FGF17: variants seen among roughly 807,000 people sequenced by gnomAD.
FGF17 encodes the protein fibroblast growth factor 17.
In FGF17, 5 loss-of-function variants were observed where a neutral mutation model predicts 23.5. The ratio of observed to expected loss-of-function variants is 0.21; its 90% CI spans 0.11 to 0.45. FGF17 has a LOEUF of 0.45. Among genes scored for constraint, FGF17 ranks in the 20% least tolerant of loss-of-function variants. FGF17 has a pLI of 0.99. For missense variants in FGF17, 221 were observed against 306.9 expected, an observed-to-expected ratio of 0.72 and a Z score of 2.09; for synonymous variants, 136 against 123.0, an observed-to-expected ratio of 1.11 and a Z score of -0.70.
At position 22,042,964 on chromosome 8, in the gene FGF17, G is replaced by A. The variant is rs1200203323; in HGVS notation, c.35+1G>A. The A allele has an allele frequency of 6.2e-7, 1 of 1,613,040 alleles. No individual in the cohort carries two copies. Among genetic ancestry groups the A allele is most frequent in the East Asian group, 2.2e-5 (1 of 44,842 alleles). On this transcript the variant is annotated splice_donor_variant, in intron 1 of 4. Coordinates refer to ENST00000359441, the MANE Select transcript of FGF17 (RefSeq NM_003867.4). LOFTEE classifies it high-confidence loss of function. The stretch of plus-strand genomic sequence containing the variant: ...CCCGCCTGCTGCCCAACCTCACTCT[G>A]TAAGTGTGCTACCTCTCCCACTGGA...
chr8:22,043,980 A>T (rs1348817882), intron 2 of FGF17, among the ~76,000 whole-genome samples: 1 of 151,456 alleles, frequency 6.6e-6, no homozygotes, highest in African/African-American at 2.4e-5. Flanking sequence ...GGAGAGGGAA[A>T]GGGGCAGCCT....
chr8:22,043,477 C>T (rs1448953516), intron 2 of FGF17, among the ~76,000 whole-genome samples: 3 of 152,172 alleles, frequency 2.0e-5, no homozygotes, highest in Non-Finnish European at 4.4e-5. Flanking sequence ...GAGCCTGGAG[C>T]GGTTGGAAGC....
chr8:22,047,295 C>G (rs1363554014), intron 4 of FGF17, among the ~76,000 whole-genome samples: 1 of 152,140 alleles, frequency 6.6e-6, no homozygotes, highest in Admixed American at 6.5e-5. Flanking sequence ...ACAGGAACTC[C>G]CCCAAGTTCA....
intron 2 of FGF17, 139 bp downstream of exon 2, chr8:22,043,320 A>T: frequency 5.1e-6 from 4 of 789,430 alleles, no homozygotes; most frequent in East Asian, 5.7e-5. Flanking sequence ...TGAGGTTTGG[A>T]GGGGAGTGAG....
rs577281579 is a variant in FGF17, at chr8:22,047,953, C to T, written c.358-3C>T. ...GCCCTTCCTGTCCTTGCTTCTCCCG[C>T]AGCCCAGCGGGAAGAGCAAAGACTG... is the stretch of plus-strand genomic sequence containing the variant. On this transcript the variant is annotated splice_polypyrimidine_tract_variant and splice_region_variant and intron_variant, in intron 4 of 4. Transcript: ENST00000359441. 4 of 1,596,548 alleles carry T rather than the reference C, an allele frequency of 2.5e-6. No homozygotes were observed. The highest frequency in any genetic ancestry group is 2.2e-5 in the South Asian group (2 of 90,600).
chr8:22,044,620 G>A (rs988808203), intron 2 of FGF17: 17 of 946,300 alleles, frequency 1.8e-5, no homozygotes, highest in Non-Finnish European at 2.1e-5. Flanking sequence ...CCCACCCCCT[G>A]GAAGGGAGGC....
In FGF17 at chr8:22,048,479, G is replaced by A; in HGVS notation, c.*230G>A. 1 of 570,030 alleles carries A rather than the reference G, an allele frequency of 1.8e-6. No homozygotes were observed. The highest frequency in any genetic ancestry group is 3.1e-6 in the Non-Finnish European group (1 of 320,888). 35.3% of individuals were successfully genotyped at this position (570,030 alleles called of 1,614,324 possible). A position where few individuals can be genotyped will look rare whatever the true frequency, so the allele number is the denominator to read the frequency against. On this transcript the variant is annotated 3_prime_UTR_variant, in exon 5 of 5. Transcript: ENST00000359441. This position sits in a 1 kb window ranked among gnomAD's most constrained non-coding sequence, Gnocchi z 6.9. ...GGCAGGCCCTGGAGAGGAACTGAGT[G>A]TCACCCTGATCTCAGGCCACCAGCC...
intron 3 of FGF17, 111 bp downstream of exon 3, chr8:22,046,402 A>T: frequency 6.8e-7 from 1 of 1,463,130 alleles, no homozygotes. Context: ...GAGGGCCCCA[A>T]GGGCCTGAGT....
chr8:22,044,969 G>A (rs564875288), intron 2 of FGF17: 3 of 985,826 alleles, frequency 3.0e-6, no homozygotes, highest in African/African-American at 3.5e-5. Context: ...GAGAAAAGCT[G>A]TCCCAGCACA....
At chr8:22,045,650 C>A in intron 2 of FGF17, 3 of 1,067,516 alleles carry the variant, frequency 2.8e-6, no homozygotes, top group South Asian at 3.1e-5. Flanking sequence ...TCTTTCAAGG[C>A]CAGTGGGGAG....
chr8:22,046,467 C>A, intron 3 of FGF17, 60 bp from the exon 4 acceptor site: 1 of 1,483,646 alleles, frequency 6.7e-7, no homozygotes, highest in Non-Finnish European at 9.3e-7. Flanking sequence ...TGGTCCCCTG[C>A]TGTAGCCATA....
intron 2 of FGF17, among the ~76,000 whole-genome samples, chr8:22,044,035 C>G (rs192015433): frequency 2.7e-4 from 41 of 151,934 alleles, no homozygotes; most frequent in East Asian, 1.9e-3. Context: ...ATTCCCCCCC[C>G]CTTCCTTCCC....
chr8:22,045,109 C>G (rs537731264), intron 2 of FGF17: 1 of 985,542 alleles, frequency 1.0e-6, no homozygotes. Flanking sequence ...AAGAAGTACT[C>G]AGTCTCTCCC....
At chr8:22,041,001 G>C (rs921421189), upstream of FGF17, among the ~76,000 whole-genome samples, 1 of 152,150 alleles carries the variant, frequency 6.6e-6, no homozygotes, top group South Asian at 2.1e-4. Context: ...CTGGTACCTT[G>C]TCCCAGCCAT....
chr8:22,044,979 A>C (rs532809381), intron 2 of FGF17: 2 of 985,720 alleles, frequency 2.0e-6, no homozygotes, highest in South Asian at 9.4e-5. Context: ...GTCCCAGCAC[A>C]GGCAGCGGCA....
In FGF17 at chr8:22,048,321, CT is replaced by C. The variant is rs1801007361; in HGVS notation, c.*73del. 1 of 1,315,390 alleles carries C rather than the reference CT, an allele frequency of 7.6e-7. No individual in the cohort carries two copies. Among genetic ancestry groups the C allele is most frequent in the Non-Finnish European group, 1.0e-6 (1 of 970,278 alleles). The allele number at this position is 1,315,390 out of a possible 1,614,324, so 81.5% of individuals were successfully genotyped here. Reference sequence around the variant, plus strand: ...TTCCCTTCTTAATCCAAGGACTGGGCTGGGGTGGCGGGAGGGGAGCCAGATC... The same window carrying C: ...TTCCCTTCTTAATCCAAGGACTGGGCGGGGTGGCGGGAGGGGAGCCAGATC... On this transcript the variant is annotated 3_prime_UTR_variant, in exon 5 of 5. Coordinates refer to ENST00000359441, the MANE Select transcript of FGF17 (RefSeq NM_003867.4). This position sits in a 1 kb window ranked among gnomAD's most constrained non-coding sequence, Gnocchi z 6.9.
intron 4 of FGF17, among the ~76,000 whole-genome samples, chr8:22,046,875 GGC>G (rs1485694333): frequency 6.6e-6 from 1 of 151,924 alleles, no homozygotes; most frequent in African/African-American, 2.4e-5. Flanking sequence ...TGTACTCCTG[GGC>G]TCAAGCAATC....
At chr8:22,043,076 G>A (rs1176347490) in intron 1 of FGF17, 69 bp from the exon 2 acceptor site, 36 of 1,599,796 alleles carry the variant, frequency 2.3e-5, no homozygotes, top group South Asian at 3.3e-5. Context: ...GGGCGGGGGC[G>A]GGGGCCTGGG....
At position 22,043,094 on chromosome 8, in the gene FGF17, T is replaced by C. The variant is rs770068330; in HGVS notation, c.36-51T>C. The C allele has an allele frequency of 4.4e-6, 7 of 1,607,908 alleles. 1 individual carries two copies. The South Asian group carries it at 6.6e-5, about 15-fold the overall frequency. ...CGGGGGCGGGGGCCTGGGTGCACCCTAGGCTTGCAGCTGGCACCCACACCT... is the reference window on the plus strand; with the variant it reads ...CGGGGGCGGGGGCCTGGGTGCACCCCAGGCTTGCAGCTGGCACCCACACCT... On this transcript the variant is annotated intron_variant, in intron 1 of 4. Transcript: ENST00000359441.
Sources: allele counts gnomAD v4.1 joint callset (sites outside exome capture counted in the v4.1 genomes callset), GRCh38; gene constraint gnomAD v4.1.1; non-coding constraint Gnocchi (gnomAD v3.1); transcripts MANE v1.5; gene names NCBI Gene and HGNC (gene_info 2026-07-23, HGNC 2026-07-21).